Variants in PDZRN3 observed in about 807,000 individuals in gnomAD.
PDZRN3 encodes the protein PDZ domain containing ring finger 3.
In PDZRN3, 38 loss-of-function variants were observed where a neutral mutation model predicts 85.7. The ratio of observed to expected loss-of-function variants is 0.44; its 90% CI spans 0.34 to 0.58. The LOEUF (loss-of-function observed/expected upper bound fraction) is 0.58, where lower values mean the gene tolerates loss of function less well. PDZRN3 is among the 20% of genes least tolerant of loss of function. PDZRN3 has a pLI of 0.01. For synonymous variants in PDZRN3, 759 were observed against 638.0 expected (o/e 1.19, Z -2.86); for missense variants, 1,629 against 1,506.4 (o/e 1.08, Z -1.35).
intron 3 of PDZRN3, among the ~76,000 whole-genome samples, chr3:73,542,667 G>C (rs1042493179): frequency 3.9e-5 from 6 of 152,044 alleles, no homozygotes; most frequent in African/African-American, 1.4e-4. Flanking sequence ...CCAGCTACTT[G>C]GGAGGCTGAG....
At position 73,608,654 on chromosome 3, in the gene PDZRN3, G is replaced by A. The variant is rs1251990152; in HGVS notation, c.754C>T (p.Leu252=). The A allele has an allele frequency of 6.2e-7, 1 of 1,612,688 alleles. No individual in the cohort carries two copies. Among genetic ancestry groups the A allele is most frequent in the Middle Eastern group, 1.7e-4 (1 of 6,058 alleles). Residue 252 remains leucine, a synonymous_variant, in exon 2 of 10, where the codon CTG becomes TTG. Coordinates refer to ENST00000263666, the MANE Select transcript of PDZRN3 (RefSeq NM_015009.3). ...CCCAGGGAGCCGGAGTCCCGATGCAGGACAAGAGTCAGACTTTTGGTTTCT... is the reference window on the plus strand; with the variant it reads ...CCCAGGGAGCCGGAGTCCCGATGCAAGACAAGAGTCAGACTTTTGGTTTCT... ...GEETKSLTLV[L]HRDSGSLGFN...
rs376600241 is a variant in PDZRN3, at chr3:73,487,438, C to G, written c.919-83043G>C. On this transcript the variant is annotated intron_variant, in intron 3 of 9. Transcript: ENST00000263666. ...TTTAAACGTTCACTCTTTACACCTC[C>G]CAGGAGAAGGCTGTCTTTGCTTTTC... Among the ~76,000 whole-genome samples, 19 of 152,232 alleles carry G rather than the reference C, an allele frequency of 1.2e-4. No individual in the cohort carries two copies. In the South Asian group the frequency reaches 2.1e-3, roughly 17 times the overall value.
At chr3:73,409,092 G>A (rs989468490) in intron 3 of PDZRN3, among the ~76,000 whole-genome samples, 1 of 152,164 alleles carries the variant, frequency 6.6e-6, no homozygotes, top group African/African-American at 2.4e-5. Context: ...TAAATTAAAT[G>A]CTTAAATTAT....
intron 3 of PDZRN3, among the ~76,000 whole-genome samples, chr3:73,480,819 G>A (rs572861970): frequency 6.6e-5 from 10 of 152,222 alleles, no homozygotes; most frequent in East Asian, 1.9e-4. Flanking sequence ...AACCTAGTAC[G>A]CATACTTTGG....
chr3:73,400,568 TAA>T (rs979043819), intron 5 of PDZRN3, among the ~76,000 whole-genome samples: 4 of 152,140 alleles, frequency 2.6e-5, no homozygotes, highest in African/African-American at 9.7e-5. Context: ...TGCCTTTGAG[TAA>T]AGAGTGGTGA....
At chr3:73,527,385 C>T (rs1260146694) in intron 3 of PDZRN3, among the ~76,000 whole-genome samples, 3 of 151,986 alleles carry the variant, frequency 2.0e-5, no homozygotes, top group Non-Finnish European at 4.4e-5. Context: ...ATTGAAAATC[C>T]ATTAGAAACG....
chr3:73,624,520 G>A lies in PDZRN3; in HGVS notation c.306C>T (p.Leu102=). The A allele has an allele frequency of 6.8e-7, 1 of 1,465,688 alleles. No individual in the cohort carries two copies. Among genetic ancestry groups the A allele is most frequent in the Non-Finnish European group, 9.0e-7 (1 of 1,114,984 alleles). 90.8% of individuals were successfully genotyped at this position (1,465,688 alleles called of 1,614,324 possible). The change falls in exon 1 of 10, where the codon CTC becomes CTT. Residue 102 remains leucine (L), a synonymous_variant. Transcript: ENST00000263666. ...GCGCGGGCGCGAAGTCGCAGCGCTC[G>A]AGGTGCTCCGGCAGCTGCTGCAGCT... ...VVKLQQLPEH[L]ERCDFAPARC...
At position 73,459,068 on chromosome 3, in the gene PDZRN3, G is replaced by C. The variant is rs575459590; in HGVS notation, c.919-54673C>G. 9.2e-5 allele frequency among the ~76,000 whole-genome samples: 14 copies of C among 152,158 alleles called. No individual in the cohort carries two copies. In the East Asian group the frequency reaches 2.1e-3, roughly 23 times the overall value. ...CTCACAGTTCGGCATTGCTGGGGAG[G>C]CCTCAGTAAACTGACAATCACGGCG... On this transcript the variant is annotated intron_variant, in intron 3 of 9. Coordinates refer to ENST00000263666, the MANE Select transcript of PDZRN3 (RefSeq NM_015009.3).
At position 73,514,277 on chromosome 3, in the gene PDZRN3, C is replaced by T. The variant is rs538435214; in HGVS notation, c.918+88077G>A. On this transcript the variant is annotated intron_variant, in intron 3 of 9. Coordinates refer to ENST00000263666, the MANE Select transcript of PDZRN3 (RefSeq NM_015009.3). Reference sequence around the variant, plus strand: ...TGATGCTGTTAAACATGTGAGATGACCCTAAACTACTCTTCAGGGTTAAGG... The same window carrying T: ...TGATGCTGTTAAACATGTGAGATGATCCTAAACTACTCTTCAGGGTTAAGG... 2.0e-4 allele frequency among the ~76,000 whole-genome samples: 31 copies of T among 152,252 alleles called. 1 individual carries two copies. The South Asian group carries it at 6.0e-3, about 29-fold the overall frequency.
chr3:73,412,244 C>T (rs2106750588), intron 3 of PDZRN3, among the ~76,000 whole-genome samples: 1 of 152,304 alleles, frequency 6.6e-6, no homozygotes, highest in Admixed American at 6.5e-5. Context: ...ATGAAGGCCG[C>T]TTTATTATGC....
chr3:73,611,032 G>C (rs1305094258), intron 1 of PDZRN3, among the ~76,000 whole-genome samples: 2 of 152,098 alleles, frequency 1.3e-5, no homozygotes, highest in Non-Finnish European at 1.5e-5. Context: ...CCATGCTAAG[G>C]AGCTAGTAAA....
At position 73,452,839 on chromosome 3, in the gene PDZRN3, C is replaced by CTGTGTGTGTGTGTGTGTGTGTG. The variant is rs35308043; in HGVS notation, c.919-48466_919-48445dup. Among the ~76,000 whole-genome samples, 884 of 140,672 alleles carry CTGTGTGTGTGTGTGTGTGTGTG rather than the reference C, an allele frequency of 6.3e-3. 9 individuals are homozygous for CTGTGTGTGTGTGTGTGTGTGTG. The highest frequency in any genetic ancestry group is 0.011 in the African/African-American group (399 of 37,342). 92.3% of individuals were successfully genotyped at this position (140,672 alleles called of 152,430 possible). On this transcript the variant is annotated intron_variant, in intron 3 of 9. Coordinates refer to ENST00000263666, the MANE Select transcript of PDZRN3 (RefSeq NM_015009.3). ...GCCAATTCTCTAACGGTCCATATAT[C>CTGTGTGTGTGTGTGTGTGTGTG]TGTGTGTGTGTGTGTGTGTGTGTGT...
At chr3:73,524,578 A>G (rs1273039653) in intron 3 of PDZRN3, among the ~76,000 whole-genome samples, 2 of 152,238 alleles carry the variant, frequency 1.3e-5, no homozygotes, top group Non-Finnish European at 2.9e-5. Context: ...ATTAAAAATG[A>G]AAGAGAATTT....
At chr3:73,580,501 C>G (rs1480102685) in intron 3 of PDZRN3, among the ~76,000 whole-genome samples, 1 of 152,190 alleles carries the variant, frequency 6.6e-6, no homozygotes, top group African/African-American at 2.4e-5. Flanking sequence ...AGAGTGTTTC[C>G]CATTACTCTT....
intron 3 of PDZRN3, among the ~76,000 whole-genome samples, chr3:73,453,404 C>CAAAAAAAAAAAAAA (rs1184407369): frequency 4.5e-4 from 44 of 97,446 alleles, no homozygotes; most frequent in Non-Finnish European, 6.1e-4. Context: ...GACTTCGTCT[C>CAAAAAAAAAAAAAA]AAAAAAAAAA....
chr3:73,523,869 T>C (rs1454871698), intron 3 of PDZRN3, among the ~76,000 whole-genome samples: 4 of 152,134 alleles, frequency 2.6e-5, no homozygotes, highest in Non-Finnish European at 5.9e-5. Flanking sequence ...CAGAAGGCTT[T>C]TCAAAAAGCA....
chr3:73,557,642 TTTCTGCCA>T (rs34522789), intron 3 of PDZRN3, among the ~76,000 whole-genome samples: 152,057 of 152,066 alleles, frequency 1, 76,024 homozygotes, highest in Middle Eastern at 1. Flanking sequence ...CATGGGCAAT[TTTCTGCCA>T]TTCTGCCATT....
intron 3 of PDZRN3, among the ~76,000 whole-genome samples, chr3:73,412,087 GA>G: frequency 6.6e-6 from 1 of 152,296 alleles, no homozygotes; most frequent in Admixed American, 6.5e-5. Context: ...TCACAATATA[GA>G]AGATGACATG....
chr3:73,537,488 T>A (rs2106770965), intron 3 of PDZRN3, among the ~76,000 whole-genome samples: 1 of 152,378 alleles, frequency 6.6e-6, no homozygotes, highest in African/African-American at 2.4e-5. Flanking sequence ...TTTGGAAATG[T>A]GTTGATATTT....
Sources: gnomAD v4.1 joint callset for allele counts (sites outside exome capture counted in the v4.1 genomes callset) on GRCh38, gnomAD v4.1.1 for gene constraint, MANE v1.5 for transcripts, NCBI Gene and HGNC (gene_info 2026-07-23, HGNC 2026-07-21) for gene names.